Variants in FBXL19 observed in about 807,000 individuals in gnomAD.
FBXL19 encodes the protein F-box/LRR-repeat protein 19.
A neutral mutation model predicts 71.2 loss-of-function variants in FBXL19; 16 were observed. The observed-to-expected ratio is 0.22, with a 90% confidence interval of 0.15 to 0.34. The LOEUF is 0.34. FBXL19 is among the 10% of genes least tolerant of loss of function. The pLI, the probability that FBXL19 is intolerant of heterozygous loss-of-function variation, is 1.00. For missense variants in FBXL19, 658 were observed against 968.2 expected (o/e 0.68, Z 4.25); for synonymous variants, 447 against 409.4 (o/e 1.09, Z -1.11).
chr16:30,937,346 C>G (rs1596654635), intron 7 of FBXL19, among the ~76,000 whole-genome samples: 2 of 152,016 alleles, frequency 1.3e-5, no homozygotes, highest in South Asian at 4.1e-4. Context: ...CTGCTTTCCT[C>G]GGAGTCTCAG....
At chr16:30,936,435 ATTT>A (rs1174123411) in intron 7 of FBXL19, among the ~76,000 whole-genome samples, 3 of 131,444 alleles carry the variant, frequency 2.3e-5, no homozygotes, top group Admixed American at 7.7e-5. Flanking sequence ...TCTGGGCCTC[ATTT>A]TTTTTTTTTT....
Position 30,925,680 on chromosome 16 carries a change from C to G in FBXL19, c.-24-51C>G, listed in dbSNP as rs1014622152. On this transcript the variant is annotated intron_variant, in intron 1 of 10. Coordinates refer to ENST00000338343, the MANE Select transcript of FBXL19 (RefSeq NM_001382779.1). This position sits in a 1 kb window ranked among gnomAD's most constrained non-coding sequence, Gnocchi z 5.0. The stretch of plus-strand genomic sequence containing the variant: ...GTGGAGGGACCTGTCAGGGGTCTCC[C>G]AGGCCAGGGCCCCAGTGGGCCCATC... The G allele has an allele frequency of 6.9e-6, 10 of 1,445,554 alleles. No individual in the cohort carries two copies. Among genetic ancestry groups the G allele is most frequent in the Non-Finnish European group, 9.0e-6 (10 of 1,109,550 alleles). 89.5% of individuals were successfully genotyped at this position (1,445,554 alleles called of 1,614,324 possible).
intron 7 of FBXL19, among the ~76,000 whole-genome samples, chr16:30,937,114 G>A (rs537228228): frequency 6.6e-6 from 1 of 152,114 alleles, no homozygotes; most frequent in South Asian, 2.1e-4. Context: ...GTGAGGTTCA[G>A]TGCTTAATGC....
In FBXL19 at chr16:30,925,712, TG is replaced by T; in HGVS notation, c.-24-18del. The T allele has an allele frequency of 6.7e-7, 1 of 1,490,252 alleles. No homozygotes were observed. Among genetic ancestry groups the T allele is most frequent in the Non-Finnish European group, 8.9e-7 (1 of 1,126,298 alleles). 92.3% of individuals were successfully genotyped at this position (1,490,252 alleles called of 1,614,324 possible). A position where few individuals can be genotyped will look rare whatever the true frequency, so the allele number is the denominator to read the frequency against. On this transcript the variant is annotated intron_variant, in intron 1 of 10. Transcript: ENST00000338343. The surrounding 1 kb of genome is among the most constrained non-coding windows in gnomAD (Gnocchi z 5.0). ...GGGCCCCAGTGGGCCCATCTGACCCTGCCACCATCCACCTACAGCCCTCGGC... is the reference window on the plus strand; with the variant it reads ...GGGCCCCAGTGGGCCCATCTGACCCTCCACCATCCACCTACAGCCCTCGGC...
chr16:30,942,536 G>C lies in FBXL19; in HGVS notation c.1627G>C (p.Gly543Arg). 1 of 1,581,504 alleles carries C rather than the reference G, an allele frequency of 6.3e-7. No individual in the cohort carries two copies. The highest frequency in any genetic ancestry group is 2.3e-5 in the East Asian group (1 of 43,438). Residue 543 changes from glycine (G) to arginine (R), a missense_variant and splice_region_variant, in exon 9 of 11, where the codon GGG (glycine) becomes CGG (arginine). Around this residue, in one of 8 missense-constraint regions of FBXL19, gnomAD observed 25 missense variants for 25.0 expected, o/e 1.00. Transcript: ENST00000338343. The surrounding 1 kb of genome is among the most constrained non-coding windows in gnomAD (Gnocchi z 5.7). ...GCTGCCTCCACCAGACACCAAACCA[G>C]GTGCAACCTCTGTTTGCTTTTCTGG... ...LLLPPPDTKPGQTESRGRLQG... is the reference protein window; with the variant it reads ...LLLPPPDTKPRQTESRGRLQG...
At position 30,936,812 on chromosome 16, in the gene FBXL19, G is replaced by A. The variant is rs557439735; in HGVS notation, c.1302-5304G>A. Among the ~76,000 whole-genome samples the A allele has an allele frequency of 1.6e-4, 23 of 148,288 alleles. 1 individual carries two copies. Among genetic ancestry groups the A allele is most frequent in the Middle Eastern group, 3.5e-3 (1 of 284 alleles). ...GGCTGGAGTGGAATGCTGTGGTCTCGGCTCACTGCAACCTCTGCCTCCTGG... is the reference window on the plus strand; with the variant it reads ...GGCTGGAGTGGAATGCTGTGGTCTCAGCTCACTGCAACCTCTGCCTCCTGG... On this transcript the variant is annotated intron_variant, in intron 7 of 10. Transcript: ENST00000338343.
chr16:30,931,711 C>T (rs1191309253), intron 7 of FBXL19, among the ~76,000 whole-genome samples: 1 of 152,058 alleles, frequency 6.6e-6, no homozygotes, highest in Admixed American at 6.6e-5. Context: ...GGCAAATTGC[C>T]TGTGACAGAA....
rs562448860 is a variant in FBXL19, at chr16:30,926,951, T to G, written c.178-357T>G. On this transcript the variant is annotated intron_variant, in intron 2 of 10. Coordinates refer to ENST00000338343, the MANE Select transcript of FBXL19 (RefSeq NM_001382779.1). Reference sequence around the variant, plus strand: ...GTCTTCCCCACCCTCTGAGTGTTACTGTCCTCCTCTCCAAAGCCAGCTGTA... The same window carrying G: ...GTCTTCCCCACCCTCTGAGTGTTACGGTCCTCCTCTCCAAAGCCAGCTGTA... Among the ~76,000 whole-genome samples the G allele has an allele frequency of 2.0e-4, 30 of 152,312 alleles. 1 individual carries two copies. In the East Asian group the frequency reaches 5.8e-3, roughly 29 times the overall value.
At chr16:30,938,257 G>T (rs2055760009) in intron 7 of FBXL19, among the ~76,000 whole-genome samples, 1 of 152,104 alleles carries the variant, frequency 6.6e-6, no homozygotes, top group Non-Finnish European at 1.5e-5. Context: ...GCTCACGCCT[G>T]TAATCCCAGC....
In FBXL19 at chr16:30,927,570, C is replaced by T; in HGVS notation, c.322-3C>T. 1.3e-6 allele frequency: 2 copies of T among 1,557,050 alleles called. No homozygotes were observed. Among genetic ancestry groups the T allele is most frequent in the Non-Finnish European group, 1.7e-6 (2 of 1,150,146 alleles). On this transcript the variant is annotated splice_region_variant and splice_polypyrimidine_tract_variant and intron_variant, in intron 3 of 10. Coordinates refer to ENST00000338343, the MANE Select transcript of FBXL19 (RefSeq NM_001382779.1). ...CCCCCACTCACTGCCCTCCTGCCTACAGATGGGGAAGGCTGAGGGTGTCAT... is the reference window on the plus strand; with the variant it reads ...CCCCCACTCACTGCCCTCCTGCCTATAGATGGGGAAGGCTGAGGGTGTCAT...
Position 30,931,893 on chromosome 16 carries a change from AT to A in FBXL19, c.1301+1328del, listed in dbSNP as rs34106190. ...AGGCACCCACCACCACACCCGGCTA[AT>A]TTTTTTTTTTTTTTTTTTGTAATTT... is the stretch of plus-strand genomic sequence containing the variant. On this transcript the variant is annotated intron_variant, in intron 7 of 10. Coordinates refer to ENST00000338343, the MANE Select transcript of FBXL19 (RefSeq NM_001382779.1). Among the ~76,000 whole-genome samples the A allele has an allele frequency of 9.0e-3, 1,192 of 132,238 alleles. 7 individuals carry two copies. The highest frequency in any genetic ancestry group is 0.023 in the African/African-American group (809 of 35,772). The allele number at this position is 132,238 out of a possible 152,430, so 86.8% of individuals were successfully genotyped here.
chr16:30,924,645 C>G (rs1383823167), intron 1 of FBXL19, 186 bp downstream of exon 1: 2 of 1,396,438 alleles, frequency 1.4e-6, no homozygotes, highest in African/African-American at 3.0e-5. Context: ...CTAGACCCTG[C>G]TTCCCCTTGA....
At chr16:30,923,373 A>C (rs2055547047), upstream of FBXL19, 1 of 382,990 alleles carries the variant, frequency 2.6e-6, no homozygotes, top group Non-Finnish European at 5.3e-6. Flanking sequence ...CGCTGTCCCC[A>C]GCGTCCTATT....
In FBXL19 at chr16:30,923,945, C is replaced by G. The variant is rs1298393793; in HGVS notation, c.-539C>G. Among the ~76,000 whole-genome samples, 1 of 150,048 alleles carries G rather than the reference C, an allele frequency of 6.7e-6. No individual in the cohort carries two copies. Among genetic ancestry groups the G allele is most frequent in the Non-Finnish European group, 1.5e-5 (1 of 67,076 alleles). On this transcript the variant is annotated 5_prime_UTR_variant, in exon 1 of 11. Transcript: ENST00000338343. ...AGGGGAGGGGGGCAGGTTACAGCGACCCCCCCCTCCCCGGGAACCGGCGGT... is the reference window on the plus strand; with the variant it reads ...AGGGGAGGGGGGCAGGTTACAGCGAGCCCCCCCTCCCCGGGAACCGGCGGT...
Position 30,928,150 on chromosome 16 carries a change from G to A in FBXL19, c.627+187G>A, listed in dbSNP as rs570381546. 9.4e-5 allele frequency among the ~76,000 whole-genome samples: 14 copies of A among 149,406 alleles called. No homozygotes were observed. In the East Asian group the frequency reaches 1.2e-3, roughly 13 times the overall value. ...CATGCTCAGTGTGGAGGAGGGGGGG[G>A]ACAGGTGAGGTGAGCTGGCACTGCA... On this transcript the variant is annotated intron_variant, in intron 5 of 10. Transcript: ENST00000338343.
Position 30,923,579 on chromosome 16 carries a change from G to A in FBXL19, c.-905G>A, listed in dbSNP as rs536457328. 3.6e-4 allele frequency among the ~76,000 whole-genome samples: 54 copies of A among 148,940 alleles called. No individual in the cohort carries two copies. Among genetic ancestry groups the A allele is most frequent in the African/African-American group, 1.3e-3 (51 of 40,320 alleles). On this transcript the variant is annotated 5_prime_UTR_variant, in exon 1 of 11. Coordinates refer to ENST00000338343, the MANE Select transcript of FBXL19 (RefSeq NM_001382779.1). ...GAGGGGAGGGGAGGGGGGAAGAGAG[G>A]AGGAAGGAGGAAGGAGCTGAGGAGG...
chr16:30,932,182 G>A (rs113820476), intron 7 of FBXL19, among the ~76,000 whole-genome samples: 184 of 152,248 alleles, frequency 1.2e-3, no homozygotes, highest in African/African-American at 4.1e-3. Context: ...ACAGTACCTG[G>A]GAAATAGGAA....
chr16:30,941,996 C>T, intron 7 of FBXL19, 120 bp from the exon 8 acceptor site: 1 of 1,165,908 alleles, frequency 8.6e-7, no homozygotes, highest in Non-Finnish European at 1.1e-6. Context: ...CTTCTTGCTA[C>T]CCTGTTGTCT....
rs1253553884 is a variant in FBXL19, at chr16:30,948,540, G to A, written c.*1310G>A. 3 of 151,782 alleles carry A rather than the reference G, an allele frequency of 2.0e-5. No homozygotes were observed. The highest frequency in any genetic ancestry group is 4.4e-5 in the Non-Finnish European group (3 of 67,850). The allele number at this position is 151,782 out of a possible 1,614,324, so 9.4% of individuals were successfully genotyped here. The stretch of plus-strand genomic sequence containing the variant: ...CGGGGGGCCGGGGCTTACCATGTAG[G>A]GGAGGGGAGATCTATCCACATACCT... On this transcript the variant is annotated 3_prime_UTR_variant, in exon 11 of 11. Transcript: ENST00000338343.
Sources: allele counts gnomAD v4.1 joint callset (sites outside exome capture counted in the v4.1 genomes callset), GRCh38; gene constraint gnomAD v4.1.1; regional missense constraint gnomAD v4.1.1; non-coding constraint Gnocchi (gnomAD v3.1); transcripts MANE v1.5; gene names NCBI Gene and HGNC (gene_info 2026-07-23, HGNC 2026-07-21).